The following UNC5CL variants were observed in gnomAD, a reference collection of about 807,000 sequenced individuals.
UNC5CL encodes the protein UNC5C-like protein.
In UNC5CL, 42 loss-of-function variants were observed where a neutral mutation model predicts 54.1. That is an observed-to-expected ratio of 0.78 (90% CI 0.61 to 1.00). The LOEUF is 1.00. Ranked by LOEUF, UNC5CL falls within the 50% of genes least tolerant of loss-of-function variation. The probability of loss-of-function intolerance (pLI) is 0.00; values close to 1 mark genes in which losing one functional copy is unlikely to be tolerated. For synonymous variants in UNC5CL, 285 were observed against 285.1 expected, an observed-to-expected ratio of 1.00 and a Z score of 0.00; for missense variants, 619 against 675.6, an observed-to-expected ratio of 0.92 and a Z score of 0.93.
chr6:41,038,039 T>A (rs1025974736), intron 1 of UNC5CL, among the ~76,000 whole-genome samples: 5 of 151,960 alleles, frequency 3.3e-5, no homozygotes, highest in Admixed American at 3.3e-4. Context: ...GGATAGGGAA[T>A]TACTAAACAA....
At position 41,034,829 on chromosome 6, in the gene UNC5CL, C is replaced by G. The variant is rs770299295; in HGVS notation, c.246G>C (p.Glu82Asp). ...TLPEMVAFYQ[E>D]LHTPTQGQTM... is the part of the protein sequence containing the mutation. The stretch of plus-strand genomic sequence containing the variant: ...TCTGGCCTTGAGTGGGTGTGTGTAG[C>G]TCCTGGTAGAAGGCAACCATCTCTG... The change falls in exon 2 of 9, where the codon GAG (glutamate) becomes GAC (aspartate). Residue 82 changes from glutamate to aspartate, a missense_variant. By Grantham distance (45) the Glu-to-Asp change is conservative. Coordinates refer to ENST00000244565, the MANE Select transcript of UNC5CL (RefSeq NM_173561.3). 4.3e-6 allele frequency: 7 copies of G among 1,614,238 alleles called. No individual in the cohort carries two copies. The South Asian group carries it at 6.6e-5, about 15-fold the overall frequency.
intron 6 of UNC5CL, 53 bp downstream of exon 6, chr6:41,031,628 C>T (rs1762453295): frequency 6.3e-7 from 1 of 1,591,726 alleles, no homozygotes; most frequent in Non-Finnish European, 8.6e-7. Context: ...GCCCACTTTG[C>T]CTAGGATTTC....
In UNC5CL at chr6:41,033,766, T is replaced by A. The variant is rs902685891; in HGVS notation, c.686+115A>T. ...AAAGAGACACCAGGGGATAAAGGAT[T>A]TGCAGACCATCTTCTATACAGAGAG... On this transcript the variant is annotated intron_variant, in intron 3 of 8. Transcript: ENST00000244565. 239 of 1,253,344 alleles carry A rather than the reference T, an allele frequency of 1.9e-4. 2 individuals are homozygous for A. The highest frequency in any genetic ancestry group is 2.6e-4 in the Non-Finnish European group (233 of 907,476). The allele number at this position is 1,253,344 out of a possible 1,614,324, so 77.6% of individuals were successfully genotyped here.
At chr6:41,031,785 G>C (rs1352273471) in intron 5 of UNC5CL, 37 bp from the exon 6 acceptor site, 8 of 1,607,008 alleles carry the variant, frequency 5.0e-6, no homozygotes, top group Non-Finnish European at 6.8e-6. Flanking sequence ...CAGTGAGTGA[G>C]GAAACGGCCT....
In UNC5CL at chr6:41,028,651, C is replaced by G. The variant is rs117329657; in HGVS notation, c.1335-56G>C. On this transcript the variant is annotated intron_variant, in intron 8 of 8. Coordinates refer to ENST00000244565, the MANE Select transcript of UNC5CL (RefSeq NM_173561.3). The surrounding 1 kb of genome is among the most constrained non-coding windows in gnomAD (Gnocchi z 4.3). ...TGTAGGAGCAGGGAGGGGCTCCCCC[C>G]CTGCTGCAGGCTCCCTGGGCTGCGC... 2.8e-4 allele frequency: 435 copies of G among 1,536,568 alleles called. 4 individuals carry two copies. The African/African-American group carries it at 4.1e-3, about 14-fold the overall frequency.
intron 2 of UNC5CL, 22 bp downstream of exon 2, chr6:41,034,668 G>T (rs888887708): frequency 6.3e-7 from 1 of 1,595,646 alleles, no homozygotes; most frequent in Middle Eastern, 1.7e-4. Context: ...TGTATGCGGA[G>T]ATGAGAGCCA....
At chr6:41,030,539 C>A in intron 7 of UNC5CL, 38 bp from the exon 8 acceptor site, 1 of 1,612,092 alleles carries the variant, frequency 6.2e-7, no homozygotes. Flanking sequence ...AAGAAAGGGA[C>A]AAACAGACCC....
rs534233415 is a variant in UNC5CL, at chr6:41,033,014, C to T, written c.819G>A (p.Thr273=). 2.3e-5 allele frequency: 37 copies of T among 1,608,196 alleles called. No homozygotes were observed. In the African/African-American group the frequency reaches 3.7e-4, roughly 16 times the overall value. The change falls in exon 4 of 9, where the codon ACG becomes ACA. Residue 273 remains threonine (T), a synonymous_variant. Transcript: ENST00000244565. Reference sequence around the variant, plus strand: ...TCAGTGCCCACTGCAGGGCGCAGGGCGTGTTGTTGAGGAAGTAGATACGCA... The same window carrying T: ...TCAGTGCCCACTGCAGGGCGCAGGGTGTGTTGTTGAGGAAGTAGATACGCA... ...LQLRIYFLNN[T]PCALQWALTN... is the part of the protein sequence containing the mutation.
At position 41,026,934 on chromosome 6, in the gene UNC5CL, T is replaced by A. The variant is rs1762395097; in HGVS notation, c.*1439A>T. The A allele has an allele frequency of 6.6e-6, 1 of 152,240 alleles. No individual in the cohort carries two copies. The highest frequency in any genetic ancestry group is 2.4e-5 in the African/African-American group (1 of 41,450). 9.4% of individuals were successfully genotyped at this position (152,240 alleles called of 1,614,324 possible). On this transcript the variant is annotated 3_prime_UTR_variant, in exon 9 of 9. Transcript: ENST00000244565. Reference sequence around the variant, plus strand: ...ATAGAAAAAAAGCTTTAATATTTTTTAATTAAATACAGAAGAAAATTGTGT... The same window carrying A: ...ATAGAAAAAAAGCTTTAATATTTTTAAATTAAATACAGAAGAAAATTGTGT...
At chr6:41,030,615 A>C in intron 7 of UNC5CL, 40 bp downstream of exon 7, 1 of 1,612,624 alleles carries the variant, frequency 6.2e-7, no homozygotes, top group Non-Finnish European at 8.5e-7. Context: ...GTAGGAACCC[A>C]ACATCCCCCA....
Position 41,035,150 on chromosome 6 carries a change from G to A in UNC5CL, c.-61-15C>T. 2.0e-6 allele frequency: 3 copies of A among 1,499,970 alleles called. No individual in the cohort carries two copies. Among genetic ancestry groups the A allele is most frequent in the Non-Finnish European group, 1.8e-6 (2 of 1,128,408 alleles). The allele number at this position is 1,499,970 out of a possible 1,614,324, so 92.9% of individuals were successfully genotyped here. A position where few individuals can be genotyped will look rare whatever the true frequency, so the allele number is the denominator to read the frequency against. On this transcript the variant is annotated splice_polypyrimidine_tract_variant and intron_variant, in intron 1 of 8. Coordinates refer to ENST00000244565, the MANE Select transcript of UNC5CL (RefSeq NM_173561.3). ...AAGCCAAAGGCCTGGTGGGGAAGAA[G>A]GGGTCAGTGTCAGGGTAAGCCCTTT...
Position 41,034,059 on chromosome 6 carries a change from C to T in UNC5CL, c.508G>A (p.Gly170Arg), listed in dbSNP as rs376444565. 3.1e-6 allele frequency: 5 copies of T among 1,614,060 alleles called. No homozygotes were observed. The highest frequency in any genetic ancestry group is 3.4e-6 in the Non-Finnish European group (4 of 1,180,018). Residue 170 changes from glycine (G) to arginine (R), a missense_variant, in exon 3 of 9, where the codon GGG becomes AGG. Physicochemically the swap from Gly to Arg is moderately radical, Grantham distance 125. Transcript: ENST00000244565. ...GTGCAAGGCTTCAGGAAGGAGGCCC[C>T]ATGGGGGCCACATGCCACCACAGGG... is the stretch of plus-strand genomic sequence containing the variant. ...VSPVVACGPHGASFLKPCTLT... is the reference protein window; with the variant it reads ...VSPVVACGPHRASFLKPCTLT...
Position 41,033,153 on chromosome 6 carries a change from A to T in UNC5CL, c.687-7T>A, listed in dbSNP as rs757000629. On this transcript the variant is annotated splice_region_variant and splice_polypyrimidine_tract_variant and intron_variant, in intron 3 of 8. Coordinates refer to ENST00000244565, the MANE Select transcript of UNC5CL (RefSeq NM_173561.3). ...CAGCACACAGGTGTAGAGGCTGCAG[A>T]GGGAGCCAGTGGCAGGCACTAATGT... is the stretch of plus-strand genomic sequence containing the variant. 2.5e-6 allele frequency: 4 copies of T among 1,611,226 alleles called. No homozygotes were observed. The African/African-American group carries it at 4.0e-5, about 16-fold the overall frequency.
intron 6 of UNC5CL, among the ~76,000 whole-genome samples, chr6:41,031,152 C>G (rs1241666226): frequency 6.6e-6 from 1 of 152,146 alleles, no homozygotes; most frequent in East Asian, 1.9e-4. Flanking sequence ...AGGGTATCTG[C>G]CTGCCCTCCA....
intron 3 of UNC5CL, among the ~76,000 whole-genome samples, chr6:41,033,350 G>C (rs142240687): frequency 6.2e-4 from 95 of 152,326 alleles, no homozygotes; most frequent in African/African-American, 2.1e-3. Context: ...TGAATGGGGA[G>C]GAGAGCTGGC....
In UNC5CL at chr6:41,034,775, C is replaced by G. The variant is rs368137670; in HGVS notation, c.300G>C (p.Leu100=). 4.3e-6 allele frequency: 7 copies of G among 1,614,010 alleles called. No homozygotes were observed. The highest frequency in any genetic ancestry group is 5.9e-6 in the Non-Finnish European group (7 of 1,180,046). ...QTMVRQLMHK[L]LVFSAREVDH... ...CCACCTCTCGAGCCGAAAACACCAACAGTTTGTGCATCAACTGGCGGACCA... is the reference window on the plus strand; with the variant it reads ...CCACCTCTCGAGCCGAAAACACCAAGAGTTTGTGCATCAACTGGCGGACCA... Residue 100 remains leucine (L), a synonymous_variant, in exon 2 of 9, where the codon CTG becomes CTC. Transcript: ENST00000244565.
intron 6 of UNC5CL, 72 bp from the exon 7 acceptor site, chr6:41,030,827 T>C: frequency 7.3e-7 from 1 of 1,361,872 alleles, no homozygotes; most frequent in Non-Finnish European, 1.0e-6. Flanking sequence ...GCTGGAGTCC[T>C]ACCTCCATTC....
chr6:41,030,389 G>A lies in UNC5CL; in HGVS notation c.1333C>T (p.Arg445Trp), dbSNP rs147879961. ...SHLGLCGMKI[R>W]FLSCQRSPAA... ...CACAGACCTCACCCCTCTTCCTACC[G>A]GATCTTCATGCCGCAAAGCCCCAGG... The change falls in exon 8 of 9, where the codon CGG (arginine) becomes TGG (tryptophan). Residue 445 changes from arginine to tryptophan, a missense_variant and splice_region_variant. Arg to Trp is a moderately radical substitution (Grantham distance 101). Coordinates refer to ENST00000244565, the MANE Select transcript of UNC5CL (RefSeq NM_173561.3). The A allele has an allele frequency of 4.3e-6, 7 of 1,613,570 alleles. No individual in the cohort carries two copies. The highest frequency in any genetic ancestry group is 1.7e-5 in the Admixed American group (1 of 60,006).
intron 1 of UNC5CL, among the ~76,000 whole-genome samples, chr6:41,037,993 G>T (rs1762542948): frequency 6.6e-6 from 1 of 152,148 alleles, no homozygotes; most frequent in African/African-American, 2.4e-5. Flanking sequence ...CCATTTCACA[G>T]ATAAGGAATC....
Sources: gnomAD v4.1 joint callset for allele counts (sites outside exome capture counted in the v4.1 genomes callset) on GRCh38, gnomAD v4.1.1 for gene constraint, Gnocchi (gnomAD v3.1) non-coding constraint, MANE v1.5 for transcripts, NCBI Gene and HGNC (gene_info 2026-07-23, HGNC 2026-07-21) for gene names.